Variants in GALNS observed in about 807,000 individuals in gnomAD.
GALNS encodes the protein galactosamine (N-acetyl)-6-sulfatase, also known as N-acetylgalactosamine-6-sulfatase.
In GALNS, 65 loss-of-function variants were observed where a neutral mutation model predicts 65.9. The observed-to-expected ratio is 0.99, with a 90% CI of 0.81 to 1.21. GALNS has a LOEUF of 1.21. Ranked by LOEUF, GALNS falls within the 50% of genes most tolerant of loss-of-function variation. GALNS has a pLI of 0.00. For missense variants in GALNS, 776 were observed against 700.7 expected (o/e 1.11, Z -1.21); for synonymous variants, 346 against 288.9 (o/e 1.20, Z -2.00).
intron 1 of GALNS, among the ~76,000 whole-genome samples, chr16:88,850,461 A>T (rs1004246112): frequency 6.6e-6 from 1 of 152,178 alleles, no homozygotes; most frequent in South Asian, 2.1e-4. Flanking sequence ...CTGTAAAGGG[A>T]GTGGGCTCCA....
chr16:88,830,191 A>T (rs1911345428), intron 9 of GALNS, among the ~76,000 whole-genome samples: 1 of 144,696 alleles, frequency 6.9e-6, no homozygotes, highest in South Asian at 2.2e-4. Context: ...AGATTGCACT[A>T]CTGCACTCCA....
In GALNS at chr16:88,841,845, C is replaced by T. The variant is rs937832575; in HGVS notation, c.319+52G>A. 3.2e-6 allele frequency: 5 copies of T among 1,540,284 alleles called. No homozygotes were observed. In the African/African-American group the frequency reaches 4.1e-5, roughly 13 times the overall value. ...AGACACGGGCACCACCCGTAGCCCA[C>T]CTGCCCAACCCTGCACCCCAAGGGT... On this transcript the variant is annotated intron_variant, in intron 3 of 13. Transcript: ENST00000268695.
Position 88,837,637 on chromosome 16 carries a change from C to T in GALNS, c.551G>A (p.Trp184Ter), listed in dbSNP as rs779545826. The change falls in exon 5 of 14, where the codon TGG (tryptophan) becomes TAG (stop). Residue 184 changes from tryptophan to a stop codon, truncating the protein, a stop_gained. Transcript: ENST00000268695. LOFTEE classifies it high-confidence loss of function. The part of the protein sequence containing the change: ...ARPNIPVYRD[W>*]EMVGRYYEEF... ...GCTCCATTACCTGCCAACCATCTCC[C>T]AGTCCCTGTACACAGGGATGTTGGG... 1.2e-6 allele frequency: 2 copies of T among 1,613,574 alleles called. No individual in the cohort carries two copies. Among genetic ancestry groups the T allele is most frequent in the South Asian group, 2.2e-5 (2 of 91,044 alleles).
At position 88,841,974 on chromosome 16, in the gene GALNS, A is replaced by T. The variant is rs775971047; in HGVS notation, c.245-3T>A. 6.2e-7 allele frequency: 1 copy of T among 1,611,098 alleles called. No individual in the cohort carries two copies. Among genetic ancestry groups the T allele is most frequent in the Non-Finnish European group, 8.5e-7 (1 of 1,178,636 alleles). On this transcript the variant is annotated splice_polypyrimidine_tract_variant and splice_region_variant and intron_variant, in intron 2 of 13. Transcript: ENST00000268695. Reference sequence around the variant, plus strand: ...TCCTGTGAGCAGTGCCGCCCTCGCTATGTGGAGGTGACAGAAACAGAAACT... The same window carrying T: ...TCCTGTGAGCAGTGCCGCCCTCGCTTTGTGGAGGTGACAGAAACAGAAACT...
At chr16:88,830,612 T>C (rs1201110582) in intron 9 of GALNS, among the ~76,000 whole-genome samples, 1 of 152,192 alleles carries the variant, frequency 6.6e-6, no homozygotes, top group Non-Finnish European at 1.5e-5. Flanking sequence ...GCCCCGCGTG[T>C]TGATGGGTAT....
At chr16:88,822,098 C>G (rs1910287458) in intron 12 of GALNS, among the ~76,000 whole-genome samples, 1 of 152,204 alleles carries the variant, frequency 6.6e-6, no homozygotes, top group African/African-American at 2.4e-5. Flanking sequence ...GACCATGACC[C>G]TCAAGACTCC....
At chr16:88,834,365 C>CA (rs1156408436) in intron 8 of GALNS, among the ~76,000 whole-genome samples, 3 of 116,990 alleles carry the variant, frequency 2.6e-5, no homozygotes, top group African/African-American at 6.5e-5. Context: ...GGCCCCCCCC[C>CA]GCGTGGTCTG....
chr16:88,842,372 G>T, intron 2 of GALNS: 1 of 516,652 alleles, frequency 1.9e-6, no homozygotes, highest in East Asian at 3.5e-5. Context: ...GGGAGGGAGG[G>T]AGTGGGACTC....
rs141921896 is a variant in GALNS, at chr16:88,818,718, T to C, written c.1365-594A>G. On this transcript the variant is annotated intron_variant, in intron 12 of 13. Transcript: ENST00000268695. ...TGTGAATCTTGGGTCCACGGCGCCG[T>C]CATGCTGTGCTCTGAGGACATCTGC... Among the ~76,000 whole-genome samples the C allele has an allele frequency of 2.2e-3, 338 of 152,334 alleles. 2 individuals are homozygous for C. The highest frequency in any genetic ancestry group is 0.02 in the Middle Eastern group (6 of 294).
intron 9 of GALNS, among the ~76,000 whole-genome samples, chr16:88,828,595 G>C (rs543980307): frequency 2.0e-5 from 3 of 152,236 alleles, no homozygotes; most frequent in Non-Finnish European, 4.4e-5. Context: ...CACGGGAAAA[G>C]GCAACTTGGT....
chr16:88,823,450 C>A (rs1221461584), intron 11 of GALNS, among the ~76,000 whole-genome samples: 1 of 152,230 alleles, frequency 6.6e-6, no homozygotes, highest in Non-Finnish European at 1.5e-5. Context: ...CCAAGGGGCT[C>A]GTCCGAGGAC....
chr16:88,814,502 T>G lies in GALNS; in HGVS notation c.1506A>C (p.Glu502Asp). The change falls in exon 14 of 14, where the codon GAA becomes GAC. Residue 502 changes from glutamate (E) to aspartate (D), a missense_variant. Physicochemically the swap from Glu to Asp is conservative, Grantham distance 45 (BLOSUM62 2). Coordinates refer to ENST00000268695, the MANE Select transcript of GALNS (RefSeq NM_000512.5). ...GAGGTGTCAGACACTTCCCTAACTT[T>G]TCACAGCCCGGAGGTGCCCAGTTCT... ...AVMNWAPPGC[E>D]KLGKCLTPPE... The G allele has an allele frequency of 6.4e-7, 1 of 1,559,878 alleles. No homozygotes were observed.
chr16:88,855,228 C>T (rs1967743744), intron 1 of GALNS: 2 of 698,396 alleles, frequency 2.9e-6, no homozygotes, highest in Non-Finnish European at 5.2e-6. Context: ...CCGCCTCACC[C>T]CTCTGTCCTC....
intron 12 of GALNS, among the ~76,000 whole-genome samples, chr16:88,818,669 T>C (rs1909893743): frequency 1.3e-5 from 2 of 152,250 alleles, no homozygotes; most frequent in Admixed American, 1.3e-4. Context: ...CGGTTCGCGA[T>C]GTCAGGGCCG....
intron 9 of GALNS, among the ~76,000 whole-genome samples, chr16:88,828,791 C>T (rs533483616): frequency 3.3e-5 from 5 of 152,332 alleles, no homozygotes; most frequent in Admixed American, 6.5e-5. Context: ...CGCATGGAGC[C>T]GGGCGGCGCT....
At chr16:88,816,335 G>T (rs1380705927) in intron 13 of GALNS, 1 of 985,316 alleles carries the variant, frequency 1.0e-6, no homozygotes, top group African/African-American at 1.7e-5. Context: ...GGGTGTGGAA[G>T]GCAGAAGGCC....
chr16:88,833,921 T>G (rs1427814826), intron 8 of GALNS, among the ~76,000 whole-genome samples: 1 of 152,260 alleles, frequency 6.6e-6, no homozygotes, highest in African/African-American at 2.4e-5. Context: ...CTCAGGTCGC[T>G]GGGACCCTTG....
At chr16:88,826,390 G>C (rs1284902167) in intron 10 of GALNS, among the ~76,000 whole-genome samples, 1 of 151,760 alleles carries the variant, frequency 6.6e-6, no homozygotes, top group African/African-American at 2.4e-5. Flanking sequence ...ACAGGGGTGG[G>C]GCGGGCAGGG....
At chr16:88,845,929 C>T (rs554752967) in intron 1 of GALNS, among the ~76,000 whole-genome samples, 14 of 149,962 alleles carry the variant, frequency 9.3e-5, no homozygotes, top group Admixed American at 3.3e-4. Context: ...TTGAGGCTGC[C>T]GTGAGCCATG....
Sources: gnomAD v4.1 joint callset for allele counts (sites outside exome capture counted in the v4.1 genomes callset) on GRCh38, gnomAD v4.1.1 for gene constraint, MANE v1.5 for transcripts, NCBI Gene and HGNC (gene_info 2026-07-23, HGNC 2026-07-21) for gene names.